Variants in ARHGEF28 observed in about 807,000 individuals in gnomAD.
ARHGEF28 encodes the protein Rho guanine nucleotide exchange factor 28.
ARHGEF28 carries 152 observed loss-of-function variants against 206.6 expected under a neutral mutation model. That is an observed-to-expected ratio of 0.74 (90% CI 0.64 to 0.84). The LOEUF is 0.84. Ranked by LOEUF, ARHGEF28 falls within the 40% of genes least tolerant of loss-of-function variation. ARHGEF28 has a pLI of 0.00. For missense variants in ARHGEF28, 2,028 were observed against 2,073.2 expected (o/e 0.98, Z 0.42); for synonymous variants, 763 against 776.4 (o/e 0.98, Z 0.29).
At chr5:73,627,889 T>C (rs1264198147) in intron 1 of ARHGEF28, among the ~76,000 whole-genome samples, 4 of 147,184 alleles carry the variant, frequency 2.7e-5, no homozygotes, top group Non-Finnish European at 6.0e-5. Context: ...TGCTTTTGAC[T>C]TTTTTTTTTT....
At chr5:73,679,831 T>G (rs1382135146) in intron 1 of ARHGEF28, among the ~76,000 whole-genome samples, 3 of 152,228 alleles carry the variant, frequency 2.0e-5, no homozygotes, top group Non-Finnish European at 4.4e-5. Context: ...TAAAGTACTT[T>G]GCCACAATAT....
chr5:73,762,066 C>G (rs1204499557), intron 4 of ARHGEF28, among the ~76,000 whole-genome samples: 1 of 150,836 alleles, frequency 6.6e-6, no homozygotes, highest in Non-Finnish European at 1.5e-5. Context: ...CTCCTGGGCT[C>G]AAACGATCCT....
chr5:73,891,697 G>A (rs1259544058), intron 26 of ARHGEF28, among the ~76,000 whole-genome samples: 3 of 151,850 alleles, frequency 2.0e-5, no homozygotes, highest in African/African-American at 7.3e-5. Flanking sequence ...GCTAATTTTT[G>A]TGTTTTTAGT....
intron 22 of ARHGEF28, among the ~76,000 whole-genome samples, chr5:73,879,565 T>G (rs1165633222): frequency 2.6e-5 from 4 of 152,172 alleles, no homozygotes; most frequent in South Asian, 4.1e-4. Flanking sequence ...TTTATCTACT[T>G]TTGGTCTTTG....
chr5:73,773,964 C>T lies in ARHGEF28; in HGVS notation c.585C>T (p.Pro195=). 2 of 1,607,124 alleles carry T rather than the reference C, an allele frequency of 1.2e-6. No individual in the cohort carries two copies. The highest frequency in any genetic ancestry group is 8.5e-7 in the Non-Finnish European group (1 of 1,176,628). Reference sequence around the variant, plus strand: ...GGGGAGTCCAGGCCTTGGCTTTACCCAACGAAGAGGGTGCCACACCATTAG... The same window carrying T: ...GGGGAGTCCAGGCCTTGGCTTTACCTAACGAAGAGGGTGCCACACCATTAG... ...LPGGVQALAL[P]NEEGATPLDL... is the part of the protein sequence containing the mutation. The change falls in exon 5 of 36, where the codon CCC becomes CCT. Residue 195 remains proline, a synonymous_variant. Transcript: ENST00000513042.
chr5:73,656,253 A>G (rs1224667136), intron 1 of ARHGEF28, among the ~76,000 whole-genome samples: 1 of 152,216 alleles, frequency 6.6e-6, no homozygotes, highest in Non-Finnish European at 1.5e-5. Context: ...TTTGGTGGGC[A>G]GAATAAAGCC....
chr5:73,813,705 G>C, intron 9 of ARHGEF28: 3 of 1,522,664 alleles, frequency 2.0e-6, no homozygotes, highest in Non-Finnish European at 2.6e-6. Flanking sequence ...TTCCTTCACG[G>C]GCAAAACCAG....
rs751333548 is a variant in ARHGEF28 at position 73,868,194 on chromosome 5, T to C, written c.2392T>C (p.Ser798Pro). ...TGATGAGCTGCTACAGTCCATGGGC[T>C]CTTCTCCCTCTACAGAGTCTTTCAT... ...HSDELLQSMG[S>P]SPSTESFIME... Residue 798 changes from serine (S) to proline (P), a missense_variant, in exon 20 of 36, where the codon TCT (serine) becomes CCT (proline). Ser to Pro is a moderately conservative substitution (Grantham distance 74). Around this residue, in one of 3 missense-constraint regions of ARHGEF28, gnomAD observed 1,002 missense variants for 1,015.3 expected, o/e 0.99. Coordinates refer to ENST00000513042, the MANE Select transcript of ARHGEF28 (RefSeq NM_001177693.2). 2 of 1,595,360 alleles carry C rather than the reference T, an allele frequency of 1.3e-6. No individual in the cohort carries two copies. The highest frequency in any genetic ancestry group is 3.5e-5 in the Admixed American group (2 of 57,036).
At chr5:73,872,672 G>A (rs1038233593) in intron 21 of ARHGEF28, among the ~76,000 whole-genome samples, 4 of 152,148 alleles carry the variant, frequency 2.6e-5, no homozygotes, top group South Asian at 2.1e-4. Context: ...ATTTCATAGG[G>A]CATTCAGGGT....
chr5:73,738,713 T>C (rs1264437856), intron 2 of ARHGEF28, among the ~76,000 whole-genome samples: 1 of 152,166 alleles, frequency 6.6e-6, no homozygotes, highest in Non-Finnish European at 1.5e-5. Flanking sequence ...ATAGTTATGA[T>C]CAGGTTATGC....
chr5:73,913,426 G>A (rs2931426), intron 35 of ARHGEF28, among the ~76,000 whole-genome samples: 98,466 of 152,072 alleles, frequency 0.65, 33,720 homozygotes, highest in African/African-American at 0.9. Context: ...AGTGGATTGA[G>A]AATAGGATAT....
intron 6 of ARHGEF28, among the ~76,000 whole-genome samples, chr5:73,779,563 G>T (rs974959362): frequency 2.6e-5 from 4 of 151,920 alleles, no homozygotes; most frequent in South Asian, 2.1e-4. Flanking sequence ...AAAGACGGGG[G>T]GTCAGGGCTA....
chr5:73,788,146 A>G (rs998525921), intron 7 of ARHGEF28, among the ~76,000 whole-genome samples: 1 of 152,218 alleles, frequency 6.6e-6, no homozygotes, highest in East Asian at 1.9e-4. Flanking sequence ...ATTAAACTCA[A>G]CTAAGTATTC....
At chr5:73,735,041 C>T (rs1289386841) in intron 2 of ARHGEF28, among the ~76,000 whole-genome samples, 1 of 151,952 alleles carries the variant, frequency 6.6e-6, no homozygotes, top group African/African-American at 2.4e-5. Context: ...GCTGCGCTGC[C>T]GACCTCACTG....
chr5:73,820,730 C>T (rs1756529754), intron 9 of ARHGEF28, among the ~76,000 whole-genome samples: 1 of 152,178 alleles, frequency 6.6e-6, no homozygotes, highest in African/African-American at 2.4e-5. Context: ...GGCTTCATGG[C>T]AGGCCACAGG....
At chr5:73,857,952 C>G in intron 15 of ARHGEF28, 135 bp from the exon 16 acceptor site, 3 of 1,401,490 alleles carry the variant, frequency 2.1e-6, no homozygotes, top group Non-Finnish European at 2.9e-6. Flanking sequence ...TATGGTGTCC[C>G]TCTGTGTGCA....
At chr5:73,915,861 G>T (rs1326800625) in intron 35 of ARHGEF28, among the ~76,000 whole-genome samples, 1 of 152,080 alleles carries the variant, frequency 6.6e-6, no homozygotes, top group African/African-American at 2.4e-5. Flanking sequence ...GTTCTCTTCA[G>T]TTCAGTTAAA....
Position 73,780,758 on chromosome 5 carries a change from C to G in ARHGEF28, c.910+13C>G. On this transcript the variant is annotated intron_variant, in intron 7 of 35. Transcript: ENST00000513042. ...GAAACTGAAGAAGGTACGCATGCTC[C>G]TTTCCCACTTATGGCAGCCACAGAG... The G allele has an allele frequency of 2.6e-6, 4 of 1,553,636 alleles. No homozygotes were observed. The highest frequency in any genetic ancestry group is 2.6e-6 in the Non-Finnish European group (3 of 1,148,214).
chr5:73,635,942 A>G (rs756783883), intron 1 of ARHGEF28, among the ~76,000 whole-genome samples: 14 of 152,308 alleles, frequency 9.2e-5, no homozygotes, highest in Admixed American at 2.0e-4. Context: ...CTTAAGTTCT[A>G]TGTTTCCTGA....
Sources: allele counts gnomAD v4.1 joint callset (sites outside exome capture counted in the v4.1 genomes callset), GRCh38; gene constraint gnomAD v4.1.1; regional missense constraint gnomAD v4.1.1; transcripts MANE v1.5; gene names NCBI Gene and HGNC (gene_info 2026-07-23, HGNC 2026-07-21).